RAB3IP: variants seen among roughly 807,000 people sequenced by gnomAD.
RAB3IP encodes the protein rab-3A-interacting protein.
Under a neutral mutation model 59.1 loss-of-function variants are expected in RAB3IP, and 36 were observed. The observed-to-expected ratio is 0.61, with a 90% CI of 0.47 to 0.80. The LOEUF (loss-of-function observed/expected upper bound fraction) is 0.80. RAB3IP is among the 30% of genes least tolerant of loss of function. The probability of loss-of-function intolerance (pLI) is 0.00; values close to 1 mark genes in which losing one functional copy is unlikely to be tolerated. For synonymous variants in RAB3IP, 207 were observed against 191.2 expected (o/e 1.08, Z -0.68); for missense variants, 511 against 536.0 (o/e 0.95, Z 0.46).
At chr12:69,753,325 G>A (rs932835193) in intron 1 of RAB3IP, among the ~76,000 whole-genome samples, 3 of 152,064 alleles carry the variant, frequency 2.0e-5, no homozygotes, top group African/African-American at 4.8e-5. Context: ...GTATCTTATG[G>A]AAGAAATGAT....
At chr12:69,801,075 C>A (rs894341046) in intron 7 of RAB3IP, among the ~76,000 whole-genome samples, 2 of 152,138 alleles carry the variant, frequency 1.3e-5, no homozygotes, top group Non-Finnish European at 2.9e-5. Flanking sequence ...AGTAACCTTG[C>A]CAGACTAAAG....
chr12:69,763,533 A>G lies in RAB3IP; in HGVS notation c.510+6870A>G, dbSNP rs564284591. Among the ~76,000 whole-genome samples the G allele has an allele frequency of 5.3e-5, 8 of 152,350 alleles. No homozygotes were observed. In the East Asian group the frequency reaches 1.2e-3, roughly 22 times the overall value. ...TTGTACTTTGTCTTCAGCATCATAC[A>G]GGAAAAGTTATGTTTCATCTCCTAT... On this transcript the variant is annotated intron_variant, in intron 3 of 10. Transcript: ENST00000247833.
chr12:69,794,542 A>G (rs1565912753), intron 5 of RAB3IP, 28 bp downstream of exon 5: 1 of 1,555,842 alleles, frequency 6.4e-7, no homozygotes, highest in Non-Finnish European at 8.8e-7. Flanking sequence ...TTAATAGTAT[A>G]AAATAAATTT....
rs993247746 is a variant in RAB3IP, at chr12:69,822,593, A to T, written c.*7147A>T. The T allele has an allele frequency of 3.3e-5, 5 of 152,150 alleles. No homozygotes were observed. Among genetic ancestry groups the T allele is most frequent in the African/African-American group, 1.2e-4 (5 of 41,424 alleles). 9.4% of individuals were successfully genotyped at this position (152,150 alleles called of 1,614,324 possible). Reference sequence around the variant, plus strand: ...ATGGGTGTAAAAATCTATAGAAGGAATATGATCTGTTGTTTGGTAGCACAA... The same window carrying T: ...ATGGGTGTAAAAATCTATAGAAGGATTATGATCTGTTGTTTGGTAGCACAA... On this transcript the variant is annotated 3_prime_UTR_variant, in exon 11 of 11. Coordinates refer to ENST00000247833, the MANE Select transcript of RAB3IP (RefSeq NM_022456.5).
At chr12:69,806,487 C>T (rs1201572046) in intron 8 of RAB3IP, among the ~76,000 whole-genome samples, 5 of 149,832 alleles carry the variant, frequency 3.3e-5, no homozygotes, top group Non-Finnish European at 7.4e-5. Flanking sequence ...TTTTTTGCGT[C>T]TCTATTTCCT....
chr12:69,807,787 A>T (rs1401440550), intron 8 of RAB3IP, among the ~76,000 whole-genome samples: 4 of 141,982 alleles, frequency 2.8e-5, no homozygotes, highest in African/African-American at 1.1e-4. Context: ...CTCACCTCCC[A>T]GATGATGGGC....
chr12:69,766,362 C>A (rs935978515), intron 3 of RAB3IP, among the ~76,000 whole-genome samples: 1 of 152,034 alleles, frequency 6.6e-6, no homozygotes, highest in Admixed American at 6.5e-5. Flanking sequence ...AAATTATTTT[C>A]TCTTTATTTT....
chr12:69,746,803 A>G (rs904738715), intron 1 of RAB3IP, among the ~76,000 whole-genome samples: 1 of 152,212 alleles, frequency 6.6e-6, no homozygotes, highest in East Asian at 1.9e-4. Context: ...TTTTAATCTC[A>G]GAAACTGTTT....
intron 8 of RAB3IP, among the ~76,000 whole-genome samples, chr12:69,809,956 TGGA>T (rs967316830): frequency 6.6e-6 from 1 of 152,204 alleles, no homozygotes; most frequent in Non-Finnish European, 1.5e-5. Flanking sequence ...TGCGTTCCTT[TGGA>T]GGAGGAGAGG....
Position 69,812,956 on chromosome 12 carries a change from TG to T in RAB3IP, c.1231-6del. The T allele has an allele frequency of 1.2e-6, 2 of 1,612,990 alleles. No individual in the cohort carries two copies. Among genetic ancestry groups the T allele is most frequent in the Non-Finnish European group, 1.7e-6 (2 of 1,178,952 alleles). ...GACCATTCATGACATTTTCTCCATT[TG>T]GCCTAGATCACTTCTGTATGTAACT... On this transcript the variant is annotated splice_region_variant and splice_polypyrimidine_tract_variant and intron_variant, in intron 9 of 10. Transcript: ENST00000247833.
chr12:69,809,971 G>A (rs1397786581), intron 8 of RAB3IP, among the ~76,000 whole-genome samples: 1 of 152,064 alleles, frequency 6.6e-6, no homozygotes, highest in Admixed American at 6.5e-5. Context: ...GAGGAGAGGC[G>A]CTCTGATTTT....
In RAB3IP at chr12:69,756,669, A is replaced by C; in HGVS notation, c.510+6A>C. 6.2e-7 allele frequency: 1 copy of C among 1,606,342 alleles called. No individual in the cohort carries two copies. The highest frequency in any genetic ancestry group is 1.1e-5 in the South Asian group (1 of 89,810). The stretch of plus-strand genomic sequence containing the variant: ...AACTCGCAAAAGCTCAGAGGGTAAG[A>C]AAGAAGATATTTTATTCTTCCATAT... On this transcript the variant is annotated splice_donor_region_variant and intron_variant, in intron 3 of 10. Coordinates refer to ENST00000247833, the MANE Select transcript of RAB3IP (RefSeq NM_022456.5).
chr12:69,761,692 T>C (rs545848757), intron 3 of RAB3IP, among the ~76,000 whole-genome samples: 1 of 152,334 alleles, frequency 6.6e-6, no homozygotes, highest in East Asian at 1.9e-4. Context: ...ATACATTTTG[T>C]TGATTAAATG....
In RAB3IP at chr12:69,817,410, T is replaced by A. The variant is rs1881240436; in HGVS notation, c.*1964T>A. On this transcript the variant is annotated 3_prime_UTR_variant, in exon 11 of 11. Coordinates refer to ENST00000247833, the MANE Select transcript of RAB3IP (RefSeq NM_022456.5). ...AATGTGATTATCTTCCTGATCCTAC[T>A]CCCTTTAGGAAGAACTTCTTAAACT... 6.6e-6 allele frequency: 1 copy of A among 150,468 alleles called. No homozygotes were observed. Among genetic ancestry groups the A allele is most frequent in the Non-Finnish European group, 1.5e-5 (1 of 67,654 alleles). The allele number at this position is 150,468 out of a possible 1,614,324, so 9.3% of individuals were successfully genotyped here.
chr12:69,794,335 C>A, intron 4 of RAB3IP, 102 bp from the exon 5 acceptor site: 1 of 884,268 alleles, frequency 1.1e-6, no homozygotes, highest in Non-Finnish European at 1.8e-6. Flanking sequence ...TTCAGGCTAA[C>A]TTTTGGTAGT....
At chr12:69,750,476 G>C (rs983892595) in intron 1 of RAB3IP, among the ~76,000 whole-genome samples, 14 of 149,556 alleles carry the variant, frequency 9.4e-5, no homozygotes, top group Non-Finnish European at 1.5e-5. Context: ...ATTCAAAGAA[G>C]AATCCAAACA....
chr12:69,800,410 AT>A, intron 7 of RAB3IP, 73 bp downstream of exon 7: 2 of 846,396 alleles, frequency 2.4e-6, no homozygotes, highest in Admixed American at 7.3e-5. Context: ...ATCATATTAC[AT>A]ATTTTAATAT....
chr12:69,808,598 G>A (rs2136276104), intron 8 of RAB3IP, among the ~76,000 whole-genome samples: 1 of 152,300 alleles, frequency 6.6e-6, no homozygotes, highest in South Asian at 2.1e-4. Context: ...TGTATTGGGT[G>A]CATATATATT....
chr12:69,784,264 T>C (rs1004762183), intron 3 of RAB3IP, among the ~76,000 whole-genome samples: 1 of 152,120 alleles, frequency 6.6e-6, no homozygotes, highest in African/African-American at 2.4e-5. Context: ...TATTTTAGGT[T>C]AGTTGCAGTA....
Sources: gnomAD v4.1 joint callset for allele counts (sites outside exome capture counted in the v4.1 genomes callset) on GRCh38, gnomAD v4.1.1 for gene constraint, MANE v1.5 for transcripts, NCBI Gene and HGNC (gene_info 2026-07-23, HGNC 2026-07-21) for gene names.